RFC5: variants seen among roughly 807,000 people sequenced by gnomAD.
RFC5 encodes the protein A1 36 kDa subunit.
RFC5 carries 26 observed loss-of-function variants against 44.3 expected under a neutral mutation model. The observed-to-expected ratio is 0.59, with a 90% CI of 0.43 to 0.81. RFC5 has a LOEUF of 0.81. RFC5 is among the 40% of genes least tolerant of loss of function. The pLI, the probability that RFC5 is intolerant of heterozygous loss-of-function variation, is 0.00. For synonymous variants in RFC5, 155 were observed against 155.2 expected (o/e 1.00, Z 0.01); for missense variants, 328 against 418.6 (o/e 0.78, Z 1.89).
chr12:118,019,832 T>A lies in RFC5; in HGVS notation c.267+64T>A. ...GACTCCAGTCTCTTAATTTCAGTTC[T>A]GCTGGTTTTATTTTACTTTAAAAGT... On this transcript the variant is annotated intron_variant, in intron 3 of 10. Transcript: ENST00000454402. The surrounding 1 kb of genome is among the most constrained non-coding windows in gnomAD (Gnocchi z 4.2). 1.5e-6 allele frequency: 2 copies of A among 1,370,896 alleles called. No individual in the cohort carries two copies. The highest frequency in any genetic ancestry group is 2.0e-6 in the Non-Finnish European group (2 of 986,002). The allele number at this position is 1,370,896 out of a possible 1,614,324, so 84.9% of individuals were successfully genotyped here. A position where few individuals can be genotyped will look rare whatever the true frequency, so the allele number is the denominator to read the frequency against.
chr12:118,022,079 G>C (rs1240233735), intron 4 of RFC5, among the ~76,000 whole-genome samples: 2 of 152,188 alleles, frequency 1.3e-5, no homozygotes, highest in East Asian at 3.9e-4. Context: ...CAGAAGTAGA[G>C]AAGTCTCCTC....
At chr12:118,024,347 G>C (rs67374022) in intron 5 of RFC5, among the ~76,000 whole-genome samples, 1 of 149,422 alleles carries the variant, frequency 6.7e-6, no homozygotes, top group Admixed American at 6.6e-5. Flanking sequence ...TTTCAAAAAA[G>C]AAAAAAGAGG....
downstream of RFC5, among the ~76,000 whole-genome samples, chr12:118,035,538 C>T (rs182415433): frequency 1.3e-5 from 2 of 152,360 alleles, no homozygotes; most frequent in East Asian, 3.9e-4. Flanking sequence ...GTTACTAACA[C>T]TTCCTTGTGC....
intron 10 of RFC5, 76 bp from the exon 11 acceptor site, chr12:118,031,106 T>TTCAAC (rs1353993383): frequency 2.0e-6 from 2 of 997,828 alleles, no homozygotes; most frequent in East Asian, 2.4e-5. Flanking sequence ...TTTTCAGCCC[T>TTCAAC]AGATCTCTTG....
In RFC5 at chr12:118,016,769, T is replaced by A; in HGVS notation, c.-59T>A. The A allele has an allele frequency of 6.9e-7, 1 of 1,455,624 alleles. No homozygotes were observed. The highest frequency in any genetic ancestry group is 1.2e-5 in the South Asian group (1 of 83,364). 90.2% of individuals were successfully genotyped at this position (1,455,624 alleles called of 1,614,324 possible). On this transcript the variant is annotated 5_prime_UTR_variant, in exon 1 of 11. Coordinates refer to ENST00000454402, the MANE Select transcript of RFC5 (RefSeq NM_007370.7). ...AGGGTCAGGTCGCGGCTGGTCACTGTGCAGGCGCTTGGGTGACGCGACGAT... is the reference window on the plus strand; with the variant it reads ...AGGGTCAGGTCGCGGCTGGTCACTGAGCAGGCGCTTGGGTGACGCGACGAT...
chr12:118,036,531 CT>C (rs1296846826), downstream of RFC5: 1 of 1,597,390 alleles, frequency 6.3e-7, no homozygotes, highest in East Asian at 2.2e-5. Context: ...TAAGAAGTGC[CT>C]GGTTAGGGCA....
rs188000925 is a variant in RFC5, at chr12:118,031,763, A to G, written c.*485A>G. ...ATGGACGTCTGGCCGAAACTATTAT[A>G]CTTTTATAAGATGAGCTGAATCCTC... On this transcript the variant is annotated 3_prime_UTR_variant, in exon 11 of 11. Coordinates refer to ENST00000454402, the MANE Select transcript of RFC5 (RefSeq NM_007370.7). The G allele has an allele frequency of 3.3e-5, 5 of 152,360 alleles. No individual in the cohort carries two copies. The highest frequency in any genetic ancestry group is 1.2e-4 in the African/African-American group (5 of 41,586). 9.4% of individuals were successfully genotyped at this position (152,360 alleles called of 1,614,324 possible). A position where few individuals can be genotyped will look rare whatever the true frequency, so the allele number is the denominator to read the frequency against.
At chr12:118,022,525 CG>C (rs1291271129) in intron 5 of RFC5, among the ~76,000 whole-genome samples, 166 bp downstream of exon 5, 1 of 151,540 alleles carries the variant, frequency 6.6e-6, no homozygotes, top group Non-Finnish European at 1.5e-5. Context: ...AGTGCAGTGG[CG>C]CAATCTTGGC....
At chr12:118,027,152 T>A (rs1593449973) in intron 8 of RFC5, 134 bp downstream of exon 8, 1 of 851,780 alleles carries the variant, frequency 1.2e-6, no homozygotes, top group East Asian at 2.5e-5. Context: ...GTTGTGGGAG[T>A]GAGATGTCTG....
At chr12:118,032,853 TA>T (rs1329641123), downstream of RFC5, 1 of 152,134 alleles carries the variant, frequency 6.6e-6, no homozygotes, top group East Asian at 1.9e-4. Flanking sequence ...CTGCTTGTTT[TA>T]AAAGGGGACT....
the RFC5 span, chr12:118,038,470 A>T: frequency 7.6e-7 from 1 of 1,314,094 alleles, no homozygotes; most frequent in Non-Finnish European, 1.1e-6. Flanking sequence ...GGGTGGTAAC[A>T]GCCCCCAGCC....
downstream of RFC5, chr12:118,035,172 G>A: frequency 1.2e-6 from 2 of 1,612,782 alleles, no homozygotes. Context: ...TTACTTGCAA[G>A]CACTTGTTCT....
the RFC5 span, among the ~76,000 whole-genome samples, chr12:118,039,507 T>G: frequency 6.6e-6 from 1 of 151,948 alleles, no homozygotes; most frequent in African/African-American, 2.4e-5. Flanking sequence ...GTGCACAGGA[T>G]TATACAAGTA....
chr12:118,034,016 C>T, downstream of RFC5: 1 of 800,578 alleles, frequency 1.2e-6, no homozygotes, highest in Non-Finnish European at 2.0e-6. Flanking sequence ...CTGACTTTCA[C>T]ATGCCAGGGA....
In RFC5 at chr12:118,031,272, G is replaced by A; in HGVS notation, c.1017G>A (p.Glu339=). The change falls in exon 11 of 11, where the codon GAG becomes GAA. Residue 339 remains glutamate (E), a synonymous_variant. Coordinates refer to ENST00000454402, the MANE Select transcript of RFC5 (RefSeq NM_007370.7). ...TCACCAGAGACCTGATTGTTGCAGA[G>A]GCCTAGATGCTCTGAGGGCCATTCA... is the stretch of plus-strand genomic sequence containing the variant. ...FQVTRDLIVA[E]A 5.0e-6 allele frequency: 8 copies of A among 1,607,220 alleles called. No individual in the cohort carries two copies. Among genetic ancestry groups the A allele is most frequent in the Non-Finnish European group, 6.8e-6 (8 of 1,173,956 alleles).
At position 118,022,270 on chromosome 12, in the gene RFC5, C is replaced by T; in HGVS notation, c.348-16C>T. 1 of 1,603,298 alleles carries T rather than the reference C, an allele frequency of 6.2e-7. No homozygotes were observed. Among genetic ancestry groups the T allele is most frequent in the Middle Eastern group, 1.7e-4 (1 of 6,044 alleles). On this transcript the variant is annotated splice_polypyrimidine_tract_variant and intron_variant, in intron 4 of 10. Coordinates refer to ENST00000454402, the MANE Select transcript of RFC5 (RefSeq NM_007370.7). The stretch of plus-strand genomic sequence containing the variant: ...AGATTGAAGAAATCTTTAGACAGCA[C>T]CATTTGTTTTTCTAGGAAAGGCTTT...
Position 118,016,857 on chromosome 12 carries a change from G to A in RFC5, c.30G>A (p.Glu10=). Residue 10 remains glutamate (E), a synonymous_variant, in exon 1 of 11, where the codon GAG becomes GAA. Transcript: ENST00000454402. ...AGACCTCAGCACTCAAGCAGCAGGAGCAGCCCGCGGCGACCAAGATCAGGA... is the reference window on the plus strand; with the variant it reads ...AGACCTCAGCACTCAAGCAGCAGGAACAGCCCGCGGCGACCAAGATCAGGA... The part of the protein sequence containing the change: METSALKQQ[E]QPAATKIRNL... The A allele has an allele frequency of 4.3e-6, 7 of 1,613,544 alleles. No individual in the cohort carries two copies. Among genetic ancestry groups the A allele is most frequent in the Non-Finnish European group, 5.9e-6 (7 of 1,179,782 alleles).
intron 1 of RFC5, chr12:118,017,644 T>C (rs1448780149): frequency 2.9e-6 from 3 of 1,025,770 alleles, no homozygotes; most frequent in African/African-American, 3.4e-5. Flanking sequence ...CCCAGAAGAT[T>C]GACAGTTGTA....
chr12:118,031,166 G>T lies in RFC5; in HGVS notation c.927-16G>T. 1 of 1,591,980 alleles carries T rather than the reference G, an allele frequency of 6.3e-7. No individual in the cohort carries two copies. The highest frequency in any genetic ancestry group is 8.6e-7 in the Non-Finnish European group (1 of 1,161,652). On this transcript the variant is annotated splice_polypyrimidine_tract_variant and intron_variant, in intron 10 of 10. Coordinates refer to ENST00000454402, the MANE Select transcript of RFC5 (RefSeq NM_007370.7). ...TTTGGTGTCTTTTTTCTTACCCTGT[G>T]TTTGGTTTCTGTTAGGTACAGGCTT...
Sources: gnomAD v4.1 joint callset for allele counts (sites outside exome capture counted in the v4.1 genomes callset) on GRCh38, gnomAD v4.1.1 for gene constraint, Gnocchi (gnomAD v3.1) non-coding constraint, MANE v1.5 for transcripts, NCBI Gene and HGNC (gene_info 2026-07-23, HGNC 2026-07-21) for gene names.